Variants in LRMDA observed in about 807,000 individuals in gnomAD.
LRMDA encodes leucine-rich melanocyte differentiation-associated protein.
LRMDA carries 18 observed loss-of-function variants against 29.8 expected under a neutral mutation model. The observed-to-expected ratio is 0.60, with a 90% confidence interval of 0.42 to 0.90. The LOEUF (loss-of-function observed/expected upper bound fraction) is 0.90, where lower values mean the gene tolerates loss of function less well. LRMDA is among the 40% of genes least tolerant of loss of function. LRMDA has a pLI of 0.00. For synonymous variants in LRMDA, 125 were observed against 109.4 expected, an observed-to-expected ratio of 1.14 and a Z score of -0.89; for missense variants, 273 against 273.9, an observed-to-expected ratio of 1.00 and a Z score of 0.02.
At chr10:76,272,453 C>T (rs565975571) in intron 5 of LRMDA, among the ~76,000 whole-genome samples, 9 of 152,212 alleles carry the variant, frequency 5.9e-5, no homozygotes, top group South Asian at 2.1e-4. Flanking sequence ...TGTTTTTATA[C>T]GTACCATGAA....
intron 2 of LRMDA, among the ~76,000 whole-genome samples, chr10:75,939,624 G>A (rs1264867831): frequency 6.6e-6 from 1 of 152,280 alleles, no homozygotes; most frequent in African/African-American, 2.4e-5. Flanking sequence ...ATAAAACCTA[G>A]AGAGGTCACA....
At chr10:75,934,320 G>C (rs1846251187) in intron 2 of LRMDA, among the ~76,000 whole-genome samples, 1 of 152,082 alleles carries the variant, frequency 6.6e-6, no homozygotes, top group Admixed American at 6.6e-5. Context: ...AAAGGATGGA[G>C]ACAGCAATTA....
At chr10:76,138,564 C>T (rs550635612) in intron 5 of LRMDA, among the ~76,000 whole-genome samples, 10 of 152,208 alleles carry the variant, frequency 6.6e-5, no homozygotes, top group South Asian at 2.1e-4. Context: ...CATATTGGGA[C>T]GCAGAGTAAG....
At chr10:75,990,305 A>G (rs1426549436) in intron 2 of LRMDA, among the ~76,000 whole-genome samples, 1 of 152,170 alleles carries the variant, frequency 6.6e-6, no homozygotes, top group South Asian at 2.1e-4. Context: ...GATACTTGCC[A>G]TGGTGGACAG....
At chr10:76,118,250 A>G (rs1849700582) in intron 5 of LRMDA, among the ~76,000 whole-genome samples, 1 of 152,046 alleles carries the variant, frequency 6.6e-6, no homozygotes, top group African/African-American at 2.4e-5. Flanking sequence ...TTCCTCTGTA[A>G]TTTCTTGAGC....
At chr10:76,198,650 A>T (rs1429099429) in intron 5 of LRMDA, among the ~76,000 whole-genome samples, 4 of 152,228 alleles carry the variant, frequency 2.6e-5, no homozygotes, top group Non-Finnish European at 5.9e-5. Flanking sequence ...CCTAATTGAA[A>T]GTTGGAGGGT....
At position 76,073,253 on chromosome 10, in the gene LRMDA, A is replaced by C. The variant is rs1375875689; in HGVS notation, c.516+14470A>C. Among the ~76,000 whole-genome samples, 4 of 152,106 alleles carry C rather than the reference A, an allele frequency of 2.6e-5. No individual in the cohort carries two copies. The South Asian group carries it at 8.3e-4, about 32-fold the overall frequency. ...GGAAATTAACAAAGAAAATCCTTCA[A>C]CTCTATTCCCTATATGTGACTCTAT... On this transcript the variant is annotated intron_variant, in intron 5 of 6. Coordinates refer to ENST00000611255, the MANE Select transcript of LRMDA (RefSeq NM_001305581.2).
chr10:75,916,440 T>A (rs1285033680), intron 2 of LRMDA, among the ~76,000 whole-genome samples: 8 of 152,010 alleles, frequency 5.3e-5, no homozygotes. Context: ...GATGGCTATT[T>A]CCCAGCGCCT....
intron 2 of LRMDA, among the ~76,000 whole-genome samples, chr10:75,846,925 A>G (rs148713918): frequency 9.3e-4 from 142 of 152,318 alleles, no homozygotes; most frequent in African/African-American, 3.2e-3. Flanking sequence ...TAAAATGTCA[A>G]TACTACCCAA....
intron 2 of LRMDA, among the ~76,000 whole-genome samples, chr10:75,616,249 T>TAGCAGCAGCAGC (rs58265820): frequency 2.7e-5 from 4 of 150,414 alleles, no homozygotes; most frequent in East Asian, 1.9e-4. Flanking sequence ...GTAGCAGCAG[T>TAGCAGCAGCAGC]AGCAGCAGCA....
At chr10:75,437,570 G>A (rs1844275533) in intron 1 of LRMDA, among the ~76,000 whole-genome samples, 1 of 152,166 alleles carries the variant, frequency 6.6e-6, no homozygotes, top group African/African-American at 2.4e-5. Flanking sequence ...TGTAAAAATG[G>A]GTTCCAAAAA....
chr10:76,433,109 G>T (rs556341984), intron 6 of LRMDA, among the ~76,000 whole-genome samples: 1 of 152,216 alleles, frequency 6.6e-6, no homozygotes, highest in Non-Finnish European at 1.5e-5. Context: ...AGCAAAGGAA[G>T]ATTGCTGTCT....
At position 76,036,154 on chromosome 10, in the gene LRMDA, C is replaced by G. The variant is rs1848241074; in HGVS notation, c.258+20C>G. 1.9e-6 allele frequency: 3 copies of G among 1,606,882 alleles called. No individual in the cohort carries two copies. Among genetic ancestry groups the G allele is most frequent in the Non-Finnish European group, 2.5e-6 (3 of 1,177,290 alleles). On this transcript the variant is annotated intron_variant, in intron 3 of 6. Coordinates refer to ENST00000611255, the MANE Select transcript of LRMDA (RefSeq NM_001305581.2). ...AACCGAATATCCTTTCCTCTGCCCGCTGCCCCCACTCCCCACCCAGCCCCA... is the reference window on the plus strand; with the variant it reads ...AACCGAATATCCTTTCCTCTGCCCGGTGCCCCCACTCCCCACCCAGCCCCA...
chr10:75,556,504 A>G (rs1329180534), intron 2 of LRMDA, among the ~76,000 whole-genome samples: 1 of 152,216 alleles, frequency 6.6e-6, no homozygotes. Context: ...GGAACAGGTA[A>G]AGGAGGTTCT....
At chr10:75,723,741 T>A (rs2132190205) in intron 2 of LRMDA, among the ~76,000 whole-genome samples, 1 of 152,322 alleles carries the variant, frequency 6.6e-6, no homozygotes, top group Middle Eastern at 3.4e-3. Context: ...ATTGTCCAAA[T>A]ACATAAAATT....
chr10:75,545,232 G>C (rs972897892), intron 2 of LRMDA, among the ~76,000 whole-genome samples: 13 of 152,084 alleles, frequency 8.5e-5, no homozygotes, highest in Non-Finnish European at 1.9e-4. Flanking sequence ...TTAGCACTAT[G>C]ACATATAGAA....
chr10:75,691,803 C>G (rs113019374), intron 2 of LRMDA, among the ~76,000 whole-genome samples: 34 of 152,272 alleles, frequency 2.2e-4, no homozygotes, highest in African/African-American at 7.0e-4. Flanking sequence ...GTGTTGTAGA[C>G]TGCTCATCCT....
chr10:75,950,557 C>T (rs75001683), intron 2 of LRMDA, among the ~76,000 whole-genome samples: 1 of 152,304 alleles, frequency 6.6e-6, no homozygotes, highest in East Asian at 1.9e-4. Context: ...TTCATTCCTG[C>T]TTGTTTAGTT....
intron 2 of LRMDA, among the ~76,000 whole-genome samples, chr10:75,513,663 C>A (rs1845254080): frequency 6.6e-6 from 1 of 152,194 alleles, no homozygotes. Context: ...TTTGCCTTCC[C>A]AGCTTCTAAG....
Sources: allele counts gnomAD v4.1 joint callset (sites outside exome capture counted in the v4.1 genomes callset), GRCh38; gene constraint gnomAD v4.1.1; transcripts MANE v1.5; gene names NCBI Gene and HGNC (gene_info 2026-07-23, HGNC 2026-07-21).